UMAD1: variants seen among roughly 807,000 people sequenced by gnomAD.
UMAD1 encodes UBAP1-MVB12-associated (UMA)-domain containing protein 1.
A neutral mutation model predicts 6.1 loss-of-function variants in UMAD1; 8 were observed. The observed-to-expected ratio is 1.30, with a 90% confidence interval of 0.76 to 2.35. The LOEUF (loss-of-function observed/expected upper bound fraction) is 2.35. Among genes scored for constraint, UMAD1 ranks in the 30% most tolerant of loss-of-function variants. The pLI, the probability that UMAD1 is intolerant of heterozygous loss-of-function variation, is 0.00. For missense variants in UMAD1, 130 were observed against 78.4 expected (o/e 1.66, Z -2.49); for synonymous variants, 56 against 31.4 (o/e 1.78, Z -2.61).
At chr7:7,654,070 A>T (rs966357480) in intron 1 of UMAD1, among the ~76,000 whole-genome samples, 1 of 152,198 alleles carries the variant, frequency 6.6e-6, no homozygotes, top group Admixed American at 6.5e-5. Flanking sequence ...TAGAGAAAAA[A>T]GCAGTCATTT....
rs182717363 is a variant in UMAD1, at chr7:7,868,524, G to A, written c.157-8757G>A. On this transcript the variant is annotated intron_variant, in intron 3 of 3. Coordinates refer to ENST00000682710, the MANE Select transcript of UMAD1 (RefSeq NM_001302348.2). ...AAAAGAAAGATTGGAGAACCACGGA[G>A]CACAAGCAGGTAGAAATATTGAAGG... 3.3e-5 allele frequency: 5 copies of A among 151,446 alleles called. No homozygotes were observed. In the East Asian group the frequency reaches 7.8e-4, roughly 24 times the overall value. 9.4% of individuals were successfully genotyped at this position (151,446 alleles called of 1,614,324 possible).
intron 3 of UMAD1, among the ~76,000 whole-genome samples, chr7:7,837,718 AAT>A (rs57770373): frequency 0.49 from 74,047 of 151,712 alleles, 18,312 homozygotes; most frequent in East Asian, 0.57. Flanking sequence ...AACAAATGTG[AAT>A]ATATCAGTTA....
chr7:7,641,122 G>T (rs1784961461), intron 1 of UMAD1: 1 of 152,452 alleles, frequency 6.6e-6, no homozygotes, highest in Non-Finnish European at 1.5e-5. Context: ...CTTGTTGGCT[G>T]AGGGTCGATT....
chr7:7,801,196 A>G (rs1782792364), intron 2 of UMAD1, among the ~76,000 whole-genome samples: 1 of 152,206 alleles, frequency 6.6e-6, no homozygotes, highest in Non-Finnish European at 1.5e-5. Context: ...TGCTGTAAGG[A>G]TTATCTGTCA....
intron 2 of UMAD1, among the ~76,000 whole-genome samples, chr7:7,705,382 A>G (rs1272227586): frequency 6.6e-6 from 1 of 152,240 alleles, no homozygotes; most frequent in Non-Finnish European, 1.5e-5. Flanking sequence ...TTAAAAAGTA[A>G]TTTTACATGT....
At chr7:7,688,211 CT>C (rs548743466) in intron 2 of UMAD1, among the ~76,000 whole-genome samples, 1 of 152,090 alleles carries the variant, frequency 6.6e-6, no homozygotes, top group Admixed American at 6.6e-5. Flanking sequence ...TTAAGAATTA[CT>C]TTTTTAGATG....
chr7:7,819,824 A>G (rs1783207314), intron 3 of UMAD1, among the ~76,000 whole-genome samples: 2 of 152,214 alleles, frequency 1.3e-5, no homozygotes, highest in Non-Finnish European at 2.9e-5. Context: ...ACACTGTTGA[A>G]ATAGCAGACC....
At chr7:7,680,333 A>C (rs1424670865) in intron 2 of UMAD1, among the ~76,000 whole-genome samples, 2 of 152,184 alleles carry the variant, frequency 1.3e-5, no homozygotes, top group East Asian at 3.8e-4. Context: ...ACCCTTGTTG[A>C]AAATGAGTTC....
intron 2 of UMAD1, among the ~76,000 whole-genome samples, chr7:7,701,199 AC>A (rs1340705066): frequency 6.6e-6 from 1 of 152,180 alleles, no homozygotes; most frequent in Non-Finnish European, 1.5e-5. Context: ...AATCTATCAT[AC>A]CTATTTAAGG....
chr7:7,838,181 T>C (rs997730955), intron 3 of UMAD1, among the ~76,000 whole-genome samples: 5 of 152,204 alleles, frequency 3.3e-5, no homozygotes, highest in African/African-American at 1.2e-4. Flanking sequence ...ATAAATATTT[T>C]AGGCCTTGCA....
chr7:7,809,977 G>A (rs964590252), intron 3 of UMAD1, among the ~76,000 whole-genome samples: 5 of 151,940 alleles, frequency 3.3e-5, no homozygotes, highest in Non-Finnish European at 7.4e-5. Flanking sequence ...TAAGATTACT[G>A]CATTAAAAAC....
At chr7:7,835,034 C>G (rs1366633572) in intron 3 of UMAD1, among the ~76,000 whole-genome samples, 1 of 152,136 alleles carries the variant, frequency 6.6e-6, no homozygotes, top group African/African-American at 2.4e-5. Context: ...GGGAGACTGC[C>G]CCCGTGATCT....
intron 2 of UMAD1, among the ~76,000 whole-genome samples, chr7:7,775,919 G>A (rs1782196433): frequency 6.6e-6 from 1 of 152,094 alleles, no homozygotes; most frequent in Admixed American, 6.6e-5. Context: ...GTATAATGTT[G>A]GAAAAATGGA....
chr7:7,853,337 C>G (rs1249967872), intron 3 of UMAD1, among the ~76,000 whole-genome samples: 1 of 152,066 alleles, frequency 6.6e-6, no homozygotes, highest in Admixed American at 6.6e-5. Flanking sequence ...TTAGGATCCA[C>G]TTTTTTACAA....
intron 2 of UMAD1, among the ~76,000 whole-genome samples, chr7:7,694,900 C>T (rs971707359): frequency 1.3e-5 from 2 of 152,132 alleles, no homozygotes; most frequent in Admixed American, 1.3e-4. Flanking sequence ...TGGGGATACA[C>T]CTAGCAGTGG....
At chr7:7,734,391 A>G (rs1781309820) in intron 2 of UMAD1, among the ~76,000 whole-genome samples, 1 of 152,156 alleles carries the variant, frequency 6.6e-6, no homozygotes, top group Non-Finnish European at 1.5e-5. Context: ...AATTTTAATT[A>G]AGGTCTTTAG....
At chr7:7,834,395 T>A (rs921296423) in intron 3 of UMAD1, among the ~76,000 whole-genome samples, 2 of 152,200 alleles carry the variant, frequency 1.3e-5, no homozygotes, top group African/African-American at 4.8e-5. Context: ...CCCAGGCTTT[T>A]TATATTTTTA....
At chr7:7,665,500 A>C (rs1246167000) in intron 1 of UMAD1, among the ~76,000 whole-genome samples, 2 of 152,248 alleles carry the variant, frequency 1.3e-5, no homozygotes, top group Non-Finnish European at 2.9e-5. Flanking sequence ...TGTGACATCT[A>C]ATTGTGTCAA....
chr7:7,851,747 G>A (rs1783922217), intron 3 of UMAD1, among the ~76,000 whole-genome samples: 1 of 152,052 alleles, frequency 6.6e-6, no homozygotes, highest in Non-Finnish European at 1.5e-5. Flanking sequence ...CTTTTGAGTT[G>A]TTGAGGTTTC....
Sources: gnomAD v4.1 joint callset for allele counts (sites outside exome capture counted in the v4.1 genomes callset) on GRCh38, gnomAD v4.1.1 for gene constraint, MANE v1.5 for transcripts, NCBI Gene and HGNC (gene_info 2026-07-23, HGNC 2026-07-21) for gene names.